GBF1: variants seen among roughly 807,000 people sequenced by gnomAD.
GBF1 encodes Golgi-specific brefeldin A-resistance guanine nucleotide exchange factor 1.
Under a neutral mutation model 210.5 loss-of-function variants are expected in GBF1, and 114 were observed. The ratio of observed to expected loss-of-function variants is 0.54; its 90% CI spans 0.47 to 0.63. The LOEUF is 0.63. Ranked by LOEUF, GBF1 falls within the 30% of genes least tolerant of loss-of-function variation. GBF1 has a pLI of 0.00. For missense variants in GBF1, 1,851 were observed against 2,357.7 expected (o/e 0.79, Z 4.45); for synonymous variants, 850 against 889.2 (o/e 0.96, Z 0.78).
chr10:102,348,156 C>T (rs1440159124), intron 4 of GBF1, among the ~76,000 whole-genome samples: 3 of 152,090 alleles, frequency 2.0e-5, no homozygotes, highest in Non-Finnish European at 4.4e-5. Flanking sequence ...AGGCTGGTCT[C>T]GAACTCCTGA....
the GBF1 span, among the ~76,000 whole-genome samples, chr10:102,233,493 G>A: frequency 2.0e-5 from 3 of 151,694 alleles, no homozygotes; most frequent in Non-Finnish European, 4.4e-5. Flanking sequence ...TAGTAGAGAC[G>A]GGGTTTCACC....
chr10:102,242,604 A>C (rs1288129512), upstream of GBF1, among the ~76,000 whole-genome samples: 1 of 152,142 alleles, frequency 6.6e-6, no homozygotes, highest in African/African-American at 2.4e-5. Context: ...CTCTTCTCCC[A>C]GTTAGGCTAT....
the GBF1 span, among the ~76,000 whole-genome samples, chr10:102,235,609 C>T: frequency 6.6e-6 from 1 of 152,172 alleles, no homozygotes; most frequent in Non-Finnish European, 1.5e-5. Context: ...AGGGATAAAA[C>T]TCTACCTGAG....
chr10:102,380,077 A>C, intron 36 of GBF1, 123 bp downstream of exon 36: 1 of 748,708 alleles, frequency 1.3e-6, no homozygotes, highest in Non-Finnish European at 2.3e-6. Context: ...CCAGCTATGG[A>C]CACTAAGCAG....
At chr10:102,378,560 C>A (rs925709055) in intron 33 of GBF1, among the ~76,000 whole-genome samples, 1 of 152,142 alleles carries the variant, frequency 6.6e-6, no homozygotes, top group Admixed American at 6.6e-5. Context: ...ATTTCTTGAG[C>A]CTAGGAGATC....
At chr10:102,308,286 G>A (rs2078102646) in intron 3 of GBF1, among the ~76,000 whole-genome samples, 1 of 151,316 alleles carries the variant, frequency 6.6e-6, no homozygotes, top group African/African-American at 2.4e-5. Flanking sequence ...TCTCATAGTG[G>A]AATACTATAA....
At position 102,377,343 on chromosome 10, in the gene GBF1, TTTTA is replaced by T. The variant is rs547422097; in HGVS notation, c.4494+227_4494+230del. Among the ~76,000 whole-genome samples the T allele has an allele frequency of 1.0e-4, 7 of 70,166 alleles. No individual in the cohort carries two copies. In the East Asian group the frequency reaches 1.0e-3, roughly 10 times the overall value. 46.0% of individuals were successfully genotyped at this position (70,166 alleles called of 152,430 possible). ...AATTTATTTATTTATTTATTTTTAT[TTTTA>T]TTTATTTATTTATTTATTTATTTTT... On this transcript the variant is annotated intron_variant, in intron 33 of 39. Transcript: ENST00000369983.
upstream of GBF1, among the ~76,000 whole-genome samples, chr10:102,240,827 C>T (rs951544445): frequency 6.6e-6 from 1 of 152,258 alleles, no homozygotes; most frequent in Non-Finnish European, 1.5e-5. Context: ...CCTATTCCAA[C>T]TGCGGAGCAG....
At position 102,379,638 on chromosome 10, in the gene GBF1, C is replaced by G. The variant is rs1417244845; in HGVS notation, c.4763C>G (p.Ser1588Cys). The G allele has an allele frequency of 6.2e-7, 1 of 1,614,020 alleles. No homozygotes were observed. Among genetic ancestry groups the G allele is most frequent in the Non-Finnish European group, 8.5e-7 (1 of 1,179,956 alleles). The stretch of plus-strand genomic sequence containing the variant: ...AAGCTAGATGCCCTGGAATGGGAGT[C>G]CTGTTTTAACAAGGTGGGACTTCCT... The part of the protein sequence containing the change: ...LQKLDALEWE[S>C]CFNKVLFPLL... The change falls in exon 35 of 40, where the codon TCC becomes TGC. Residue 1588 changes from serine to cysteine, a missense_variant. Around this residue, in one of 3 missense-constraint regions of GBF1, gnomAD observed 967 missense variants for 1,247.7 expected, o/e 0.78. Transcript: ENST00000369983.
rs2059946974 is a variant in GBF1 at position 102,366,931 on chromosome 10, CA to C, written c.2434-151del. The stretch of plus-strand genomic sequence containing the variant: ...GAGAGCAAAATTAGTGACCTTTCCA[CA>C]AAGAGATCAGCTTCTGTTAAGGAGT... On this transcript the variant is annotated intron_variant, in intron 19 of 39. Coordinates refer to ENST00000369983, the MANE Select transcript of GBF1 (RefSeq NM_001377137.1). The surrounding 1 kb of genome is among the most constrained non-coding windows in gnomAD (Gnocchi z 4.0). 6.6e-6 allele frequency among the ~76,000 whole-genome samples: 1 copy of C among 152,118 alleles called. No homozygotes were observed. Among genetic ancestry groups the C allele is most frequent in the Non-Finnish European group, 1.5e-5 (1 of 68,028 alleles).
the GBF1 span, among the ~76,000 whole-genome samples, chr10:102,240,300 C>T: frequency 1.3e-5 from 2 of 152,332 alleles, no homozygotes; most frequent in South Asian, 4.1e-4. Flanking sequence ...CCTCATTGGC[C>T]TTCTGTCCTC....
chr10:102,283,239 A>G (rs931110127), intron 3 of GBF1, among the ~76,000 whole-genome samples: 1 of 152,236 alleles, frequency 6.6e-6, no homozygotes, highest in Non-Finnish European at 1.5e-5. Flanking sequence ...AAAGGGGATC[A>G]TTCTCCGTTT....
At chr10:102,235,608 ACT>A in the GBF1 span, among the ~76,000 whole-genome samples, 2 of 152,030 alleles carry the variant, frequency 1.3e-5, no homozygotes, top group African/African-American at 4.8e-5. Context: ...TAGGGATAAA[ACT>A]CTACCTGAGT....
At chr10:102,349,785 TTGGCTATTTCTCG>T (rs772082047) in intron 4 of GBF1, among the ~76,000 whole-genome samples, 1 of 152,178 alleles carries the variant, frequency 6.6e-6, no homozygotes, top group Non-Finnish European at 1.5e-5. Context: ...GACAACTTAT[TTGGCTATTTCTCG>T]TGGCTATTTA....
chr10:102,368,805 A>T lies in GBF1; in HGVS notation c.2946A>T (p.Leu982=), dbSNP rs772872196. The T allele has an allele frequency of 6.2e-7, 1 of 1,612,354 alleles. No individual in the cohort carries two copies. Among genetic ancestry groups the T allele is most frequent in the Admixed American group, 1.7e-5 (1 of 60,012 alleles). ...TGTTTGACAATCTCATCATCTCTCT[A>T]TGCAAATTCACAGCTCTCAGCAGTG... ...SDVFDNLIIS[L]CKFTALSSES... is the part of the protein sequence containing the mutation. The change falls in exon 23 of 40, where the codon CTA becomes CTT. Residue 982 remains leucine, a synonymous_variant. Coordinates refer to ENST00000369983, the MANE Select transcript of GBF1 (RefSeq NM_001377137.1).
chr10:102,344,464 A>AGGTT (rs1347658881), intron 4 of GBF1, among the ~76,000 whole-genome samples: 35 of 139,378 alleles, frequency 2.5e-4, no homozygotes, highest in African/African-American at 8.2e-4. Flanking sequence ...AAGTTTGGTT[A>AGGTT]GGTTTGTTTG....
intron 3 of GBF1, among the ~76,000 whole-genome samples, chr10:102,292,157 G>T (rs928129055): frequency 6.6e-6 from 1 of 151,908 alleles, no homozygotes; most frequent in Non-Finnish European, 1.5e-5. Flanking sequence ...CCAAAGTGCT[G>T]GGATTACAGG....
chr10:102,256,910 C>T (rs749729182), intron 1 of GBF1, among the ~76,000 whole-genome samples: 7 of 152,138 alleles, frequency 4.6e-5, no homozygotes, highest in Non-Finnish European at 1.0e-4. Context: ...TGGTGGTGTG[C>T]GCCTGAAGTC....
At chr10:102,246,617 C>T (rs2070867018) in intron 1 of GBF1, among the ~76,000 whole-genome samples, 1 of 152,028 alleles carries the variant, frequency 6.6e-6, no homozygotes, top group African/African-American at 2.4e-5. Flanking sequence ...GTTTAGTGGG[C>T]AAAAAGAGTC....
Sources: gnomAD v4.1 joint callset for allele counts (sites outside exome capture counted in the v4.1 genomes callset) on GRCh38, gnomAD v4.1.1 for gene constraint, gnomAD v4.1.1 regional missense constraint, Gnocchi (gnomAD v3.1) non-coding constraint, MANE v1.5 for transcripts, NCBI Gene and HGNC (gene_info 2026-07-23, HGNC 2026-07-21) for gene names.